Variants in GLMN observed in about 807,000 individuals in gnomAD.
The protein encoded by GLMN is glomulin, FKBP associated protein, also known as glomulin.
GLMN carries 75 observed loss-of-function variants against 87.8 expected under a neutral mutation model. The ratio of observed to expected loss-of-function variants is 0.85; its 90% CI spans 0.71 to 1.04. The LOEUF is 1.04. Ranked by LOEUF, GLMN falls within the 50% of genes least tolerant of loss-of-function variation. GLMN has a pLI of 0.00. For synonymous variants in GLMN, 206 were observed against 221.6 expected (o/e 0.93, Z 0.63); for missense variants, 588 against 658.8 (o/e 0.89, Z 1.18).
chr1:92,284,715 C>A (rs1013923145), intron 7 of GLMN, among the ~76,000 whole-genome samples: 1 of 152,056 alleles, frequency 6.6e-6, no homozygotes, highest in Non-Finnish European at 1.5e-5. Context: ...TCTTTGCAAT[C>A]TACCCATCTC....
At chr1:92,266,580 C>T in intron 12 of GLMN, 88 bp from the exon 13 acceptor site, 1 of 1,001,888 alleles carries the variant, frequency 1.0e-6, no homozygotes, top group Non-Finnish European at 1.6e-6. Context: ...GTAATACATC[C>T]ACACTTGTAC....
chr1:92,265,202 A>G (rs1007790226), intron 13 of GLMN, among the ~76,000 whole-genome samples: 10 of 152,194 alleles, frequency 6.6e-5, no homozygotes, highest in Non-Finnish European at 1.3e-4. Context: ...CAAAATTTGA[A>G]TATTTTTATG....
In GLMN at chr1:92,290,173, A is replaced by G. The variant is rs779285681; in HGVS notation, c.394+25T>C. On this transcript the variant is annotated intron_variant, in intron 5 of 18. Coordinates refer to ENST00000370360, the MANE Select transcript of GLMN (RefSeq NM_053274.3). ...GGCATTTAGAGATACAACAAGAAGTACTCTGATATCAAAATTCTCATTACC... is the reference window on the plus strand; with the variant it reads ...GGCATTTAGAGATACAACAAGAAGTGCTCTGATATCAAAATTCTCATTACC... The G allele has an allele frequency of 1.1e-5, 13 of 1,222,202 alleles. No individual in the cohort carries two copies. In the African/African-American group the frequency reaches 1.9e-4, roughly 18 times the overall value. The allele number at this position is 1,222,202 out of a possible 1,614,324, so 75.7% of individuals were successfully genotyped here.
chr1:92,265,530 C>G (rs1238476839), intron 13 of GLMN, among the ~76,000 whole-genome samples: 3 of 152,042 alleles, frequency 2.0e-5, no homozygotes, highest in African/African-American at 7.2e-5. Context: ...CATCTCAACA[C>G]TTTGGGAGGC....
intron 7 of GLMN, among the ~76,000 whole-genome samples, chr1:92,285,453 A>G (rs1648623816): frequency 6.7e-6 from 1 of 149,944 alleles, no homozygotes; most frequent in African/African-American, 2.4e-5. Context: ...ATCACACACC[A>G]TGGCTGGTTG....
chr1:92,264,213 T>G (rs1464053368), intron 14 of GLMN, among the ~76,000 whole-genome samples: 2 of 152,060 alleles, frequency 1.3e-5, no homozygotes, highest in Admixed American at 6.6e-5. Context: ...CTCGGGAGGC[T>G]GAGTTGGGAG....
the GLMN span, among the ~76,000 whole-genome samples, chr1:92,343,859 C>T: frequency 6.6e-6 from 1 of 152,044 alleles, no homozygotes; most frequent in Admixed American, 6.6e-5. Context: ...ATACTGTGGT[C>T]CAGATAGGCC....
intron 7 of GLMN, among the ~76,000 whole-genome samples, chr1:92,276,733 A>T (rs939572377): frequency 9.9e-5 from 15 of 152,150 alleles, no homozygotes; most frequent in Non-Finnish European, 1.9e-4. Context: ...TTGTTTTTTT[A>T]AAAAAGCCCT....
intron 7 of GLMN, among the ~76,000 whole-genome samples, chr1:92,277,358 G>A (rs997614888): frequency 6.6e-6 from 1 of 152,166 alleles, no homozygotes; most frequent in African/African-American, 2.4e-5. Flanking sequence ...GTGATACTGT[G>A]ACATATATAT....
intron 16 of GLMN, among the ~76,000 whole-genome samples, chr1:92,259,986 T>C (rs1008527966): frequency 1.6e-4 from 24 of 152,026 alleles, no homozygotes; most frequent in African/African-American, 3.6e-4. Flanking sequence ...CCGCCCGCCT[T>C]GGCCTTCCAA....
chr1:92,269,857 A>C, intron 8 of GLMN, 81 bp from the exon 9 acceptor site: 4 of 922,712 alleles, frequency 4.3e-6, no homozygotes, highest in Non-Finnish European at 5.3e-6. Flanking sequence ...TATGGGTTGA[A>C]TTGTATCTCC....
chr1:92,260,027 G>C, intron 16 of GLMN, among the ~76,000 whole-genome samples: 1 of 151,884 alleles, frequency 6.6e-6, no homozygotes, highest in Non-Finnish European at 1.5e-5. Flanking sequence ...GAGCCACCAC[G>C]CCCAGCCCAT....
Position 92,297,464 on chromosome 1 carries a change from T to A in GLMN, c.105A>T (p.Arg35Ser), listed in dbSNP as rs373731314. ...DFGLFQLAGQ[R>S]CIEEGHTDQL... ...GGTCTGTGTGCCCTTCTTCTATGCA[T>A]CTTTGCCCAGCTAACTGAAATAGGC... is the stretch of plus-strand genomic sequence containing the variant. Residue 35 changes from arginine to serine, a missense_variant, in exon 3 of 19, where the codon AGA becomes AGT. Coordinates refer to ENST00000370360, the MANE Select transcript of GLMN (RefSeq NM_053274.3). The A allele has an allele frequency of 5.3e-5, 85 of 1,612,086 alleles. No individual in the cohort carries two copies. The highest frequency in any genetic ancestry group is 7.0e-5 in the Non-Finnish European group (83 of 1,179,026).
chr1:92,304,271 T>C, the GLMN span: 2 of 1,426,072 alleles, frequency 1.4e-6, no homozygotes, highest in Non-Finnish European at 9.8e-7. Context: ...AAGCTGTACT[T>C]TCTTTTCTTT....
chr1:92,348,002 C>T, the GLMN span, among the ~76,000 whole-genome samples: 4 of 152,086 alleles, frequency 2.6e-5, no homozygotes, highest in Non-Finnish European at 5.9e-5. Context: ...CTCTGCCTCC[C>T]GGGTTCAACC....
chr1:92,337,426 G>GT, the GLMN span, among the ~76,000 whole-genome samples: 1 of 151,942 alleles, frequency 6.6e-6, no homozygotes, highest in South Asian at 2.1e-4. Context: ...AAGTTTTTCA[G>GT]TAAGTCTTTT....
At chr1:92,329,626 C>G in the GLMN span, among the ~76,000 whole-genome samples, 1 of 152,140 alleles carries the variant, frequency 6.6e-6, no homozygotes, top group African/African-American at 2.4e-5. Flanking sequence ...CTCCACATGC[C>G]GCTCTGTCTG....
upstream of GLMN, among the ~76,000 whole-genome samples, chr1:92,302,532 C>G (rs1175748115): frequency 6.7e-6 from 1 of 149,800 alleles, no homozygotes; most frequent in Non-Finnish European, 1.5e-5. Flanking sequence ...TTTCAAAAAC[C>G]TGAAATACAG....
At position 92,290,279 on chromosome 1, in the gene GLMN, C is replaced by T; in HGVS notation, c.313G>A (p.Gly105Ser). 1 of 1,601,960 alleles carries T rather than the reference C, an allele frequency of 6.2e-7. No individual in the cohort carries two copies. Among genetic ancestry groups the T allele is most frequent in the Non-Finnish European group, 8.6e-7 (1 of 1,169,356 alleles). Residue 105 changes from glycine (G) to serine (S), a missense_variant, in exon 5 of 19, where the codon GGT (glycine) becomes AGT (serine). Coordinates refer to ENST00000370360, the MANE Select transcript of GLMN (RefSeq NM_053274.3). ...KLCNPKELLLGLLELIEEPSG... is the reference protein window; with the variant it reads ...KLCNPKELLLSLLELIEEPSG... ...GGCTCTTCAATCAGTTCAAGCAAAC[C>T]CAACAATAATTCCTTTGGATTGCAT...
Sources: gnomAD v4.1 joint callset for allele counts (sites outside exome capture counted in the v4.1 genomes callset) on GRCh38, gnomAD v4.1.1 for gene constraint, MANE v1.5 for transcripts, NCBI Gene and HGNC (gene_info 2026-07-23, HGNC 2026-07-21) for gene names.